COG5: variants seen among roughly 807,000 people sequenced by gnomAD.
COG5 encodes the protein component of oligomeric golgi complex 5.
Under a neutral mutation model 110.4 loss-of-function variants are expected in COG5, and 86 were observed. That is an observed-to-expected ratio of 0.78 (90% CI 0.65 to 0.93). COG5 has a LOEUF of 0.93. Among genes scored for constraint, COG5 ranks in the 40% least tolerant of loss-of-function variants. The pLI is 0.00. For synonymous variants in COG5, 360 were observed against 334.6 expected (o/e 1.08, Z -0.83); for missense variants, 1,077 against 987.0 (o/e 1.09, Z -1.22).
At chr7:107,519,488 A>G (rs533994940) in intron 6 of COG5, among the ~76,000 whole-genome samples, 1 of 152,308 alleles carries the variant, frequency 6.6e-6, no homozygotes, top group East Asian at 1.9e-4. Flanking sequence ...AAGAAATACA[A>G]ACTACCACCA....
intron 6 of COG5, among the ~76,000 whole-genome samples, chr7:107,514,959 AT>A (rs1256799084): frequency 6.6e-6 from 1 of 152,124 alleles, no homozygotes; most frequent in Non-Finnish European, 1.5e-5. Context: ...TATCAGTTTT[AT>A]GCTGAGTTTA....
chr7:107,426,157 T>C (rs573079502), intron 6 of COG5, among the ~76,000 whole-genome samples: 1 of 152,334 alleles, frequency 6.6e-6, no homozygotes, highest in South Asian at 2.1e-4. Context: ...ATTTCTGTTA[T>C]TTAAGCCACC....
Position 107,248,447 on chromosome 7 carries a change from C to A in COG5, c.1802G>T (p.Gly601Val). ...NAVQPLLTSV[G>V]DAIEAIIITM... ...GATGATTATGGCCTCTATAGCATCT[C>A]CCACAGAAGTGAGTAAGGGTTGCAC... Residue 601 changes from glycine to valine, a missense_variant, in exon 17 of 22, where the codon GGA (glycine) becomes GTA (valine). By Grantham distance (109) the Gly-to-Val change is moderately radical. Transcript: ENST00000297135. 6.2e-7 allele frequency: 1 copy of A among 1,611,854 alleles called. No individual in the cohort carries two copies. The highest frequency in any genetic ancestry group is 8.5e-7 in the Non-Finnish European group (1 of 1,179,196).
At chr7:107,530,262 CA>C (rs1293704149) in intron 5 of COG5, among the ~76,000 whole-genome samples, 2 of 152,094 alleles carry the variant, frequency 1.3e-5, no homozygotes, top group Non-Finnish European at 2.9e-5. Flanking sequence ...GGCTAGCTTT[CA>C]AGTCTCTCAT....
chr7:107,271,245 C>T (rs946400063), intron 14 of COG5, among the ~76,000 whole-genome samples: 4 of 151,918 alleles, frequency 2.6e-5, no homozygotes, highest in African/African-American at 9.7e-5. Flanking sequence ...GACTCCATCC[C>T]TTGAAACAAG....
intron 6 of COG5, among the ~76,000 whole-genome samples, chr7:107,419,850 G>A (rs1342090342): frequency 6.6e-6 from 1 of 152,164 alleles, no homozygotes; most frequent in Non-Finnish European, 1.5e-5. Flanking sequence ...TTACAGGCGT[G>A]AGCCACTTTG....
intron 10 of COG5, among the ~76,000 whole-genome samples, chr7:107,352,526 C>A (rs529874399): frequency 6.7e-4 from 85 of 127,170 alleles, no homozygotes; most frequent in Admixed American, 1.1e-3. Flanking sequence ...AAAAAAAAAA[C>A]CAGAAATCTA....
intron 6 of COG5, among the ~76,000 whole-genome samples, chr7:107,504,356 C>T (rs1563070746): frequency 6.6e-6 from 1 of 152,146 alleles, no homozygotes; most frequent in East Asian, 1.9e-4. Context: ...ACCCCTCGAT[C>T]ACCATGCATT....
intron 14 of COG5, among the ~76,000 whole-genome samples, chr7:107,278,235 C>T (rs1804861685): frequency 6.6e-6 from 1 of 151,684 alleles, no homozygotes; most frequent in Non-Finnish European, 1.5e-5. Context: ...ATTTCCCTTC[C>T]TTCCTTCCCT....
chr7:107,479,724 A>G (rs1315267014), intron 6 of COG5, among the ~76,000 whole-genome samples: 1 of 152,206 alleles, frequency 6.6e-6, no homozygotes, highest in East Asian at 1.9e-4. Flanking sequence ...GGCAAGGCGG[A>G]AAACTCAATG....
chr7:107,441,038 G>T (rs1289756273), intron 6 of COG5, among the ~76,000 whole-genome samples: 1 of 151,872 alleles, frequency 6.6e-6, no homozygotes, highest in Non-Finnish European at 1.5e-5. Context: ...TGGATCATGA[G>T]GTCAGGAGAT....
At chr7:107,333,774 T>A (rs1810468558) in intron 10 of COG5, among the ~76,000 whole-genome samples, 1 of 152,160 alleles carries the variant, frequency 6.6e-6, no homozygotes, top group African/African-American at 2.4e-5. Context: ...TAATGCTAAC[T>A]AGAACAGTAA....
intron 10 of COG5, among the ~76,000 whole-genome samples, chr7:107,340,030 G>A (rs1306321497): frequency 2.6e-5 from 4 of 151,374 alleles, no homozygotes; most frequent in Non-Finnish European, 4.4e-5. Flanking sequence ...AATCAGAGTG[G>A]AACTGAACAA....
At chr7:107,452,611 C>G (rs1485296732) in intron 6 of COG5, among the ~76,000 whole-genome samples, 1 of 152,068 alleles carries the variant, frequency 6.6e-6, no homozygotes, top group African/African-American at 2.4e-5. Flanking sequence ...TCTCTTTGGC[C>G]CCTATCATCC....
At chr7:107,385,028 C>A (rs1257336600) in intron 7 of COG5, among the ~76,000 whole-genome samples, 1 of 152,206 alleles carries the variant, frequency 6.6e-6, no homozygotes, top group African/African-American at 2.4e-5. Flanking sequence ...AAGACAGCAT[C>A]TTTGCACATG....
intron 11 of COG5, among the ~76,000 whole-genome samples, chr7:107,303,092 G>GT (rs1282192745): frequency 6.6e-6 from 1 of 151,584 alleles, no homozygotes; most frequent in African/African-American, 2.4e-5. Flanking sequence ...GAAGTTTTTG[G>GT]TTTTTTTTCT....
chr7:107,496,068 C>T (rs1487073721), intron 6 of COG5, among the ~76,000 whole-genome samples: 1 of 152,048 alleles, frequency 6.6e-6, no homozygotes, highest in East Asian at 1.9e-4. Context: ...AGTCACATGC[C>T]ACCATACCCA....
chr7:107,531,670 C>CTTTT (rs111284238), intron 5 of COG5, among the ~76,000 whole-genome samples: 2 of 137,016 alleles, frequency 1.5e-5, no homozygotes, highest in African/African-American at 2.7e-5. Flanking sequence ...TGGGGTTTTG[C>CTTTT]TTTTTTTTTT....
intron 7 of COG5, among the ~76,000 whole-genome samples, chr7:107,399,614 A>C (rs1234027281): frequency 1.3e-5 from 2 of 152,180 alleles, no homozygotes; most frequent in African/African-American, 2.4e-5. Context: ...TGAGTCAATT[A>C]AACCTCTTTT....
Sources: allele counts gnomAD v4.1 joint callset (sites outside exome capture counted in the v4.1 genomes callset), GRCh38; gene constraint gnomAD v4.1.1; transcripts MANE v1.5; gene names NCBI Gene and HGNC (gene_info 2026-07-23, HGNC 2026-07-21).